REL: variants seen among roughly 807,000 people sequenced by gnomAD.
REL encodes REL proto-oncogene, NF-kB subunit, also known as proto-oncogene c-Rel.
Under a neutral mutation model 45.9 loss-of-function variants are expected in REL, and 15 were observed. The observed-to-expected ratio is 0.33, with a 90% CI of 0.22 to 0.50. REL has a LOEUF of 0.50. Ranked by LOEUF, REL falls within the 20% of genes least tolerant of loss-of-function variation. The probability of loss-of-function intolerance (pLI) is 0.98; values close to 1 mark genes in which losing one functional copy is unlikely to be tolerated. For synonymous variants in REL, 239 were observed against 242.1 expected, an observed-to-expected ratio of 0.99 and a Z score of 0.12; for missense variants, 601 against 715.2, an observed-to-expected ratio of 0.84 and a Z score of 1.82.
At chr2:60,903,294 T>A (rs1228901663) in intron 4 of REL, among the ~76,000 whole-genome samples, 1 of 152,230 alleles carries the variant, frequency 6.6e-6, no homozygotes, top group African/African-American at 2.4e-5. Context: ...GTGGCAGACC[T>A]GGAATTCATA....
intron 1 of REL, among the ~76,000 whole-genome samples, chr2:60,887,319 AT>A (rs200499876): frequency 2.0e-5 from 3 of 151,262 alleles, no homozygotes; most frequent in African/African-American, 7.3e-5. Flanking sequence ...ATAAAGCACT[AT>A]TTTTTTTTCC....
At chr2:60,908,295 T>G (rs1673717069) in intron 4 of REL, among the ~76,000 whole-genome samples, 1 of 152,232 alleles carries the variant, frequency 6.6e-6, no homozygotes, top group African/African-American at 2.4e-5. Flanking sequence ...CTAAGTGCCT[T>G]GAGCTATTGA....
At chr2:60,885,636 G>T (rs1434616875) in intron 1 of REL, among the ~76,000 whole-genome samples, 1 of 152,176 alleles carries the variant, frequency 6.6e-6, no homozygotes, top group African/African-American at 2.4e-5. Context: ...GCTGATGAGA[G>T]ACCTAGTTTG....
chr2:60,900,964 GTT>G, intron 3 of REL, 26 bp from the exon 4 acceptor site: 1 of 1,572,658 alleles, frequency 6.4e-7, no homozygotes, highest in African/African-American at 1.4e-5. Flanking sequence ...TTATAATGCA[GTT>G]TTGAATATTG....
intron 4 of REL, chr2:60,911,470 T>C (rs1340217049): frequency 6.6e-6 from 1 of 152,034 alleles, no homozygotes; most frequent in Non-Finnish European, 1.5e-5. Context: ...TTTAAAAGGG[T>C]TAGTGGATGT....
At chr2:60,883,095 A>C (rs1672987443) in intron 1 of REL, among the ~76,000 whole-genome samples, 1 of 152,048 alleles carries the variant, frequency 6.6e-6, no homozygotes, top group African/African-American at 2.4e-5. Flanking sequence ...CAGACAGAGG[A>C]AGCAGCGTGA....
rs796836678 is a variant in REL at position 60,929,664 on chromosome 2, T to C, written c.*7129T>C. 1 of 111,284 alleles carries C rather than the reference T, an allele frequency of 9.0e-6. No homozygotes were observed. The highest frequency in any genetic ancestry group is 3.2e-4 in the South Asian group (1 of 3,140). The allele number at this position is 111,284 out of a possible 1,614,324, so 6.9% of individuals were successfully genotyped here. A position where few individuals can be genotyped will look rare whatever the true frequency, so the allele number is the denominator to read the frequency against. On this transcript the variant is annotated 3_prime_UTR_variant, in exon 10 of 10. Transcript: ENST00000394479. ...GGAAGGGGAATATCACACTGGGGAC[T>C]GTTGTGGGGTGGGGGGAGGGGGGAG...
intron 3 of REL, among the ~76,000 whole-genome samples, chr2:60,898,433 G>T (rs1165686526): frequency 6.6e-6 from 1 of 152,094 alleles, no homozygotes; most frequent in African/African-American, 2.4e-5. Flanking sequence ...TGTTTCCACT[G>T]CTCTTTTCTA....
At position 60,929,599 on chromosome 2, in the gene REL, C is replaced by G. The variant is rs1288758521; in HGVS notation, c.*7064C>G. 6.7e-6 allele frequency: 1 copy of G among 148,564 alleles called. No individual in the cohort carries two copies. Among genetic ancestry groups the G allele is most frequent in the Non-Finnish European group, 1.5e-5 (1 of 67,630 alleles). The allele number at this position is 148,564 out of a possible 1,614,324, so 9.2% of individuals were successfully genotyped here. On this transcript the variant is annotated 3_prime_UTR_variant, in exon 10 of 10. Transcript: ENST00000394479. ...AGAAACCAAACACCACATATTCTCA[C>G]TCATAGGTGGGAATTGAACAATGAG...
chr2:60,910,484 A>C (rs1198584004), intron 4 of REL, among the ~76,000 whole-genome samples: 3 of 112 alleles, frequency 0.027, no homozygotes, highest in Non-Finnish European at 0.11. Flanking sequence ...ACAAAAAACA[A>C]AAAAAAAAAA....
At chr2:60,913,330 A>C (rs1478320425) in intron 4 of REL, among the ~76,000 whole-genome samples, 1 of 152,142 alleles carries the variant, frequency 6.6e-6, no homozygotes, top group African/African-American at 2.4e-5. Context: ...ATAAAATACC[A>C]GTCATTTTCT....
chr2:60,925,971 C>T lies in REL; in HGVS notation c.*3436C>T, dbSNP rs1388536857. ...TGTAGAATATTCCCAATGGATTTTT[C>T]ATTTTTCAGGTGCTATTTTTTGACC... On this transcript the variant is annotated 3_prime_UTR_variant, in exon 10 of 10. Coordinates refer to ENST00000394479, the MANE Select transcript of REL (RefSeq NM_001291746.2). 4.4e-6 allele frequency: 1 copy of T among 226,026 alleles called. No homozygotes were observed. The highest frequency in any genetic ancestry group is 6.4e-5 in the East Asian group (1 of 15,684). 14.0% of individuals were successfully genotyped at this position (226,026 alleles called of 1,614,324 possible).
intron 9 of REL, among the ~76,000 whole-genome samples, chr2:60,921,148 TAGA>T (rs10537697): frequency 0.45 from 68,215 of 151,694 alleles, 17,345 homozygotes; most frequent in Middle Eastern, 0.6. Flanking sequence ...GAGGGCTAAT[TAGA>T]AGAAGTCTTT....
In REL at chr2:60,901,002, T is replaced by C. The variant is rs190352859; in HGVS notation, c.313T>C (p.Leu105=). Reference sequence around the variant, plus strand: ...TTTTTTTCCTGCTAGTTTCCAAAATTTGGGTATTCGATGTGTGAAGAAAAA... The same window carrying C: ...TTTTTTTCCTGCTAGTTTCCAAAATCTGGGTATTCGATGTGTGAAGAAAAA... ...QERRPLFFQN[L]GIRCVKKKEV... Residue 105 remains leucine (L), a synonymous_variant, in exon 4 of 10, where the codon TTG becomes CTG. Transcript: ENST00000394479. 3.6e-5 allele frequency: 58 copies of C among 1,605,406 alleles called. 1 individual carries two copies. The East Asian group carries it at 1.2e-3, about 33-fold the overall frequency.
intron 2 of REL, among the ~76,000 whole-genome samples, chr2:60,892,305 A>G (rs1360288728): frequency 6.6e-6 from 1 of 152,174 alleles, no homozygotes; most frequent in Non-Finnish European, 1.5e-5. Context: ...TCTCTGGGTC[A>G]TTGACTGATT....
Position 60,922,177 on chromosome 2 carries a change from CCAGCAGTGA to C in REL, c.1412_1420del (p.Ser471_Ser473del). 1 of 1,614,080 alleles carries C rather than the reference CCAGCAGTGA, an allele frequency of 6.2e-7. No individual in the cohort carries two copies. The highest frequency in any genetic ancestry group is 8.5e-7 in the Non-Finnish European group (1 of 1,179,974). ...AATTGTTCTGTGAATATGATGACAA[CCAGCAGTGA>C]CAGCATGGGAGAGACTGATAATCCA... On this transcript the variant is annotated inframe_deletion, in exon 10 of 10. Transcript: ENST00000394479.
At chr2:60,883,219 G>A (rs752719305) in intron 1 of REL, among the ~76,000 whole-genome samples, 27 of 152,212 alleles carry the variant, frequency 1.8e-4, no homozygotes, top group Non-Finnish European at 3.2e-4. Flanking sequence ...GTGACCCTCA[G>A]AAGTAGGCTG....
chr2:60,892,826 C>G (rs982241679), intron 2 of REL, among the ~76,000 whole-genome samples: 2 of 152,094 alleles, frequency 1.3e-5, no homozygotes, highest in Admixed American at 6.6e-5. Context: ...GTGATCTCAG[C>G]TCACTGCAAG....
intron 7 of REL, among the ~76,000 whole-genome samples, chr2:60,919,530 A>G (rs1573345416): frequency 6.6e-6 from 1 of 152,008 alleles, no homozygotes; most frequent in South Asian, 2.1e-4. Flanking sequence ...GGTTCAAGCA[A>G]TTCTCCTGTC....
Sources: gnomAD v4.1 joint callset for allele counts (sites outside exome capture counted in the v4.1 genomes callset) on GRCh38, gnomAD v4.1.1 for gene constraint, MANE v1.5 for transcripts, NCBI Gene and HGNC (gene_info 2026-07-23, HGNC 2026-07-21) for gene names.